Variants in LRRC49 observed in about 807,000 individuals in gnomAD.
LRRC49 encodes the protein leucine rich repeat containing 49, also known as leucine-rich repeat-containing protein 49.
LRRC49 carries 50 observed loss-of-function variants against 83.3 expected under a neutral mutation model. The observed-to-expected ratio is 0.60, with a 90% CI of 0.48 to 0.76. LRRC49 has a LOEUF of 0.76. Ranked by LOEUF, LRRC49 falls within the 30% of genes least tolerant of loss-of-function variation. The pLI, the probability that LRRC49 is intolerant of heterozygous loss-of-function variation, is 0.00. For synonymous variants in LRRC49, 286 were observed against 283.3 expected, an observed-to-expected ratio of 1.01 and a Z score of -0.10; for missense variants, 704 against 809.1, an observed-to-expected ratio of 0.87 and a Z score of 1.58.
At chr15:70,953,776 T>C (rs896436573) in intron 8 of LRRC49, among the ~76,000 whole-genome samples, 6 of 152,220 alleles carry the variant, frequency 3.9e-5, no homozygotes, top group Non-Finnish European at 5.9e-5. Flanking sequence ...TTGGTCTCTA[T>C]GTAATCCCCT....
intron 7 of LRRC49, among the ~76,000 whole-genome samples, chr15:70,921,853 G>A (rs1327860102): frequency 3.3e-5 from 5 of 152,138 alleles, no homozygotes; most frequent in African/African-American, 1.2e-4. Flanking sequence ...CCTACTTACC[G>A]TCTTGAACAG....
At chr15:70,883,804 G>T (rs544536772) in intron 2 of LRRC49, among the ~76,000 whole-genome samples, 1 of 151,866 alleles carries the variant, frequency 6.6e-6, no homozygotes, top group South Asian at 2.1e-4. Context: ...ACAGGTGCCT[G>T]CCACCATGCC....
intron 8 of LRRC49, among the ~76,000 whole-genome samples, chr15:70,938,513 T>G (rs1333712821): frequency 6.6e-5 from 10 of 152,158 alleles, no homozygotes; most frequent in Non-Finnish European, 1.5e-5. Flanking sequence ...GCTCTGTTTT[T>G]GTTGATGCTT....
At chr15:70,908,589 C>G (rs1283517442) in intron 5 of LRRC49, 1 of 152,362 alleles carries the variant, frequency 6.6e-6, no homozygotes. Flanking sequence ...GTTTCACTAA[C>G]AATGTTATTT....
rs2032568313 is a variant in LRRC49, at chr15:70,853,944, A to G, written c.-299+475A>G. The G allele has an allele frequency of 3.0e-5, 44 of 1,444,074 alleles. No homozygotes were observed. Among genetic ancestry groups the G allele is most frequent in the Non-Finnish European group, 4.0e-5 (44 of 1,093,908 alleles). 89.5% of individuals were successfully genotyped at this position (1,444,074 alleles called of 1,614,324 possible). On this transcript the variant is annotated intron_variant, in intron 1 of 16. Transcript: ENST00000544974. ...GCGCTGCCCCAGCCGGGGCTGAGGT[A>G]CCGGGCCGGGTCCCCGGCGCCCCGA... is the stretch of plus-strand genomic sequence containing the variant.
chr15:70,896,666 A>G (rs1307006854), intron 3 of LRRC49, among the ~76,000 whole-genome samples: 2 of 152,170 alleles, frequency 1.3e-5, no homozygotes, highest in Admixed American at 6.5e-5. Flanking sequence ...CATGTTAAAC[A>G]CTTCTGAATC....
rs2141317385 is a variant in LRRC49, at chr15:71,049,422, A to C, written c.1871A>C (p.Lys624Thr). Residue 624 changes from lysine (K) to threonine (T), a missense_variant, in exon 16 of 16, where the codon AAG (lysine) becomes ACG (threonine). By Grantham distance (78) the Lys-to-Thr change is moderately conservative. This residue lies in a region of LRRC49 where 275 missense variants were observed against 338.0 expected (regional missense o/e 0.81). Transcript: ENST00000260382. ...TTTTTTTAACAGGAAATAAAGGAAA[A>C]GAAGAAATTCTGTAAAACATATATA... The part of the protein sequence containing the change: ...YNEKLEEIKE[K>T]KKFCKTYIED... The C allele has an allele frequency of 1.9e-6, 3 of 1,581,398 alleles. No homozygotes were observed. The East Asian group carries it at 6.7e-5, about 35-fold the overall frequency.
At chr15:70,935,793 A>T (rs1436432040) in intron 7 of LRRC49, among the ~76,000 whole-genome samples, 1 of 152,132 alleles carries the variant, frequency 6.6e-6, no homozygotes, top group Non-Finnish European at 1.5e-5. Context: ...AAGTCAGGAT[A>T]CTGGAATCTT....
Position 70,859,972 on chromosome 15 carries a change from A to G in LRRC49, c.-299+6503A>G, listed in dbSNP as rs148391347. 1,628 of 759,960 alleles carry G rather than the reference A, an allele frequency of 2.1e-3. 7 individuals carry two copies. The highest frequency in any genetic ancestry group is 0.02 in the Middle Eastern group (56 of 2,796). The allele number at this position is 759,960 out of a possible 1,614,324, so 47.1% of individuals were successfully genotyped here. ...ATACGAAGACCACCAGCGGCTATGC[A>G]GGTGGTCTGAGCTCCACCTATGGGG... On this transcript the variant is annotated intron_variant, in intron 1 of 16. Coordinates refer to the LRRC49 transcript ENST00000544974.
chr15:71,013,885 C>T (rs1038645072), intron 14 of LRRC49, among the ~76,000 whole-genome samples: 3 of 152,160 alleles, frequency 2.0e-5, no homozygotes, highest in African/African-American at 7.2e-5. Context: ...CAACAGGAGA[C>T]TGTTGTCCCA....
intron 8 of LRRC49, among the ~76,000 whole-genome samples, chr15:70,952,125 T>C (rs774208187): frequency 6.6e-6 from 1 of 152,132 alleles, no homozygotes; most frequent in African/African-American, 2.4e-5. Context: ...TACTTGATCA[T>C]GATGAATGAG....
chr15:70,981,891 CTT>C (rs11339326), intron 10 of LRRC49, among the ~76,000 whole-genome samples: 1,841 of 112,054 alleles, frequency 0.016, 40 homozygotes, highest in African/African-American at 0.053. Context: ...TTTGCTTCTT[CTT>C]TTTTTTTTTT....
chr15:70,885,218 G>C (rs2033374303), intron 2 of LRRC49, among the ~76,000 whole-genome samples: 1 of 152,140 alleles, frequency 6.6e-6, no homozygotes, highest in Non-Finnish European at 1.5e-5. Context: ...AAGGCAGAAA[G>C]AGACAAAAGG....
At chr15:70,907,937 G>C (rs2034386648) in intron 5 of LRRC49, 1 of 455,884 alleles carries the variant, frequency 2.2e-6, no homozygotes, top group African/African-American at 2.0e-5. Flanking sequence ...CTGACCAGTA[G>C]GGGCCTTCTA....
chr15:70,945,816 CAGTT>C (rs2035988904), intron 8 of LRRC49, among the ~76,000 whole-genome samples: 1 of 152,000 alleles, frequency 6.6e-6, no homozygotes, highest in Non-Finnish European at 1.5e-5. Flanking sequence ...GGAAGTGAAA[CAGTT>C]AGGCTTGTTT....
chr15:71,048,012 G>A (rs2039904361), intron 15 of LRRC49, among the ~76,000 whole-genome samples: 1 of 151,646 alleles, frequency 6.6e-6, no homozygotes, highest in Non-Finnish European at 1.5e-5. Context: ...CTGACCGCAA[G>A]TGATCCACCC....
chr15:70,902,058 T>C (rs1207304461), intron 4 of LRRC49, among the ~76,000 whole-genome samples: 1 of 152,238 alleles, frequency 6.6e-6, no homozygotes. Flanking sequence ...ACATGTTCTT[T>C]TGTAGGAAAA....
At chr15:71,030,901 C>CTA (rs1284315092) in intron 14 of LRRC49, among the ~76,000 whole-genome samples, 1 of 151,978 alleles carries the variant, frequency 6.6e-6, no homozygotes. Context: ...ACTGGTTATT[C>CTA]TAGTTAGCAA....
upstream of LRRC49, among the ~76,000 whole-genome samples, chr15:70,890,471 A>C (rs1194768517): frequency 1.3e-5 from 2 of 152,218 alleles, no homozygotes; most frequent in African/African-American, 4.8e-5. Flanking sequence ...AATTTGTAAA[A>C]TATTGTTTTA....
Sources: gnomAD v4.1 joint callset for allele counts (sites outside exome capture counted in the v4.1 genomes callset) on GRCh38, gnomAD v4.1.1 for gene constraint, gnomAD v4.1.1 regional missense constraint, MANE v1.5 for transcripts, NCBI Gene and HGNC (gene_info 2026-07-23, HGNC 2026-07-21) for gene names.